The following EVL variants were observed in gnomAD, a reference collection of about 807,000 sequenced individuals.
EVL encodes ena/VASP-like protein.
Under a neutral mutation model 59.6 loss-of-function variants are expected in EVL, and 21 were observed. That is an observed-to-expected ratio of 0.35 (90% CI 0.25 to 0.51). EVL has a LOEUF of 0.51. Ranked by LOEUF, EVL falls within the 20% of genes least tolerant of loss-of-function variation. EVL has a pLI of 0.97. For missense variants in EVL, 462 were observed against 546.6 expected (o/e 0.85, Z 1.54); for synonymous variants, 198 against 203.5 (o/e 0.97, Z 0.23).
In EVL at chr14:100,128,740, G is replaced by A; in HGVS notation, c.709G>A (p.Val237Ile). 6.2e-7 allele frequency: 1 copy of A among 1,604,834 alleles called. No homozygotes were observed. The highest frequency in any genetic ancestry group is 8.5e-7 in the Non-Finnish European group (1 of 1,179,744). ...CATAGCTGGGGCCAAGCTGAGAAGA[G>A]TCCAACGGGTAAGAGCTCCTGTGTG... Reference protein sequence around the residue: ...AAIAGAKLRRVQRPEDASGGS... With the variant: ...AAIAGAKLRRIQRPEDASGGS... The change falls in exon 6 of 14, where the codon GTC becomes ATC. Residue 237 changes from valine to isoleucine, a missense_variant. Physicochemically the swap from Val to Ile is conservative, Grantham distance 29 (BLOSUM62 3). Transcript: ENST00000392920.
chr14:100,134,158 G>A (rs1759589660), intron 8 of EVL, among the ~76,000 whole-genome samples: 1 of 152,204 alleles, frequency 6.6e-6, no homozygotes, highest in African/African-American at 2.4e-5. Context: ...CACATGCTGT[G>A]GAGTTTAGCC....
chr14:100,112,388 G>T, intron 3 of EVL, among the ~76,000 whole-genome samples: 1 of 152,090 alleles, frequency 6.6e-6, no homozygotes, highest in Admixed American at 6.5e-5. Context: ...TCCATTCCCC[G>T]CAAAGCAAGC....
At chr14:100,069,666 C>T (rs1489107992) in intron 1 of EVL, among the ~76,000 whole-genome samples, 1 of 152,164 alleles carries the variant, frequency 6.6e-6, no homozygotes, top group African/African-American at 2.4e-5. Context: ...TCCCATGTGC[C>T]TCTAGTTGAG....
intron 1 of EVL, among the ~76,000 whole-genome samples, chr14:100,007,334 G>A (rs1461644758): frequency 6.6e-6 from 1 of 152,118 alleles, no homozygotes; most frequent in Admixed American, 6.6e-5. Context: ...TTCCAGAGGA[G>A]GCAAATCAGA....
At chr14:99,996,642 C>T (rs936933308) in intron 1 of EVL, among the ~76,000 whole-genome samples, 1 of 152,114 alleles carries the variant, frequency 6.6e-6, no homozygotes, top group African/African-American at 2.4e-5. Flanking sequence ...GATTACTACT[C>T]TCTTTTCCCC....
Position 100,135,963 on chromosome 14 carries a change from C to T in EVL, c.959C>T (p.Ser320Phe), listed in dbSNP as rs1359052956. ...GTRAASQPPN[S>F]SEAGRKPWER... ...CGAGCAGCCAGCCAGCCACCTAACT[C>T]CTCAGGTGAGAGGGCGCCCCCCGCT... Residue 320 changes from serine to phenylalanine, a missense_variant, in exon 9 of 14, where the codon TCC becomes TTC. Coordinates refer to ENST00000392920, the MANE Select transcript of EVL (RefSeq NM_016337.3). The T allele has an allele frequency of 6.2e-7, 1 of 1,613,532 alleles. No homozygotes were observed. Among genetic ancestry groups the T allele is most frequent in the Non-Finnish European group, 8.5e-7 (1 of 1,179,992 alleles).
intron 1 of EVL, chr14:100,074,413 A>G (rs1489847065): frequency 6.6e-6 from 1 of 152,210 alleles, no homozygotes; most frequent in Non-Finnish European, 1.5e-5. Context: ...CATGTTTAGT[A>G]AACTGCTCTC....
intron 4 of EVL, among the ~76,000 whole-genome samples, chr14:100,123,944 C>T (rs566435419): frequency 3.3e-5 from 5 of 152,304 alleles, no homozygotes; most frequent in Admixed American, 6.5e-5. Flanking sequence ...AGGAGGCAGT[C>T]CAGGCATGAG....
intron 1 of EVL, among the ~76,000 whole-genome samples, chr14:100,005,672 C>CG (rs1566967015): frequency 6.7e-6 from 1 of 150,250 alleles, no homozygotes; most frequent in African/African-American, 2.5e-5. Context: ...CACACACACC[C>CG]CTTGGATGTT....
At chr14:100,132,597 C>T (rs982842314) in intron 7 of EVL, 122 bp from the exon 8 acceptor site, 9 of 1,134,648 alleles carry the variant, frequency 7.9e-6, no homozygotes, top group Admixed American at 3.4e-5. Context: ...TTCACGCCAT[C>T]GTTTTCCCAC....
upstream of EVL, among the ~76,000 whole-genome samples, chr14:100,060,868 G>A (rs12147177): frequency 0.075 from 11,294 of 150,276 alleles, 721 homozygotes; most frequent in African/African-American, 0.17. Context: ...ATGACCAAAG[G>A]AAAAGGGATC....
intron 1 of EVL, among the ~76,000 whole-genome samples, chr14:100,011,668 CTA>C (rs1491057944): frequency 6.6e-6 from 1 of 152,132 alleles, no homozygotes; most frequent in Non-Finnish European, 1.5e-5. Context: ...ACTAAATTGA[CTA>C]TGATACTCTG....
chr14:100,004,191 G>A (rs973020537), intron 1 of EVL, among the ~76,000 whole-genome samples: 2 of 152,318 alleles, frequency 1.3e-5, no homozygotes, highest in Admixed American at 1.3e-4. Flanking sequence ...GCGACAGAGT[G>A]AGACTGTGTC....
At chr14:100,004,765 C>A (rs1325247448) in intron 1 of EVL, among the ~76,000 whole-genome samples, 1 of 152,130 alleles carries the variant, frequency 6.6e-6, no homozygotes, top group East Asian at 1.9e-4. Flanking sequence ...CTATATATTT[C>A]TCTTATTTCC....
intron 1 of EVL, among the ~76,000 whole-genome samples, chr14:100,065,950 C>T (rs190847544): frequency 1.4e-4 from 21 of 152,270 alleles, no homozygotes; most frequent in Admixed American, 3.9e-4. Context: ...ATAGGAACTT[C>T]ATGAACTTAA....
chr14:100,112,869 C>T lies in EVL; in HGVS notation c.359-10670C>T, dbSNP rs1357413977. On this transcript the variant is annotated intron_variant, in intron 3 of 13. Coordinates refer to ENST00000392920, the MANE Select transcript of EVL (RefSeq NM_016337.3). ...GTTCCAGGGGAGCAGTTTGTATCCA[C>T]AGCTATGACCCCATCTGTGAATTAC... 2.6e-5 allele frequency among the ~76,000 whole-genome samples: 4 copies of T among 152,356 alleles called. 1 individual carries two copies. The highest frequency in any genetic ancestry group is 3.4e-3 in the Middle Eastern group (1 of 294).
chr14:100,024,288 T>C (rs1482772803), intron 1 of EVL, among the ~76,000 whole-genome samples: 1 of 152,186 alleles, frequency 6.6e-6, no homozygotes, highest in African/African-American at 2.4e-5. Context: ...CAAGTCAAAA[T>C]GAGTAGTATT....
At chr14:100,030,698 GT>G (rs1220636233) in intron 1 of EVL, among the ~76,000 whole-genome samples, 1 of 152,178 alleles carries the variant, frequency 6.6e-6, no homozygotes, top group African/African-American at 2.4e-5. Context: ...TCTTGGCTTG[GT>G]TTGCATGCAA....
chr14:100,050,046 A>T (rs2061621425), intron 1 of EVL, among the ~76,000 whole-genome samples: 1 of 152,158 alleles, frequency 6.6e-6, no homozygotes, highest in Non-Finnish European at 1.5e-5. Flanking sequence ...ACGTTAGTCG[A>T]TCCTCGCTCA....
Sources: allele counts gnomAD v4.1 joint callset (sites outside exome capture counted in the v4.1 genomes callset), GRCh38; gene constraint gnomAD v4.1.1; transcripts MANE v1.5; gene names NCBI Gene and HGNC (gene_info 2026-07-23, HGNC 2026-07-21).